Variants in TENM3 observed in about 807,000 individuals in gnomAD.
The protein encoded by TENM3 is teneurin-3.
TENM3 carries 63 observed loss-of-function variants against 255.1 expected under a neutral mutation model. The ratio of observed to expected loss-of-function variants is 0.25; its 90% CI spans 0.20 to 0.30. The LOEUF (loss-of-function observed/expected upper bound fraction) is 0.30, where lower values mean the gene tolerates loss of function less well. TENM3 is among the 10% of genes least tolerant of loss of function. TENM3 has a pLI of 1.00. For missense variants in TENM3, 2,929 were observed against 3,461.1 expected, an observed-to-expected ratio of 0.85 and a Z score of 3.86; for synonymous variants, 1,306 against 1,322.3, an observed-to-expected ratio of 0.99 and a Z score of 0.27.
chr4:181,526,268 T>A, the TENM3 span, among the ~76,000 whole-genome samples: 20 of 145,128 alleles, frequency 1.4e-4, no homozygotes, highest in Non-Finnish European at 2.3e-4. Context: ...GAATCCAAAT[T>A]AAAAAAAAAA....
At chr4:182,431,419 G>A (rs928502326) in intron 3 of TENM3, among the ~76,000 whole-genome samples, 6 of 151,764 alleles carry the variant, frequency 4.0e-5, no homozygotes, top group East Asian at 2.0e-4. Context: ...GCTTGAACCC[G>A]GGAGGTGGAG....
In TENM3 at chr4:182,785,712, TAA is replaced by T. The variant is rs397879537; in HGVS notation, c.5305-3361_5305-3360del. ...GTCCCAGCCAGACCCTGTCTCAAGA[TAA>T]AAAAAAAAAAAAAAAAAAAGCCACT... On this transcript the variant is annotated intron_variant, in intron 24 of 27. Coordinates refer to ENST00000511685, the MANE Select transcript of TENM3 (RefSeq NM_001080477.4). Among the ~76,000 whole-genome samples the T allele has an allele frequency of 6.0e-3, 358 of 60,082 alleles. 1 individual carries two copies. The highest frequency in any genetic ancestry group is 0.02 in the African/African-American group (307 of 15,310). 39.4% of individuals were successfully genotyped at this position (60,082 alleles called of 152,430 possible). A position where few individuals can be genotyped will look rare whatever the true frequency, so the allele number is the denominator to read the frequency against.
chr4:181,999,680 A>G, the TENM3 span, among the ~76,000 whole-genome samples: 6 of 152,186 alleles, frequency 3.9e-5, no homozygotes, highest in Admixed American at 1.3e-4. Flanking sequence ...GGATTCTTCA[A>G]TATTAAAATG....
intron 3 of TENM3, among the ~76,000 whole-genome samples, chr4:182,412,814 G>T (rs970765203): frequency 1.1e-4 from 16 of 149,608 alleles, no homozygotes; most frequent in African/African-American, 3.9e-4. Context: ...GCAGTGAGCC[G>T]AGATCACACC....
chr4:181,831,612 C>A, the TENM3 span, among the ~76,000 whole-genome samples: 2 of 151,286 alleles, frequency 1.3e-5, no homozygotes, highest in South Asian at 4.2e-4. Context: ...AGATCACTGA[C>A]CTTAATTTTC....
chr4:182,688,118 C>T (rs371666719), intron 11 of TENM3, 48 bp from the exon 12 acceptor site: 3 of 1,476,438 alleles, frequency 2.0e-6, no homozygotes, highest in Non-Finnish European at 1.8e-6. Context: ...CCCCTTCTCT[C>T]TCCCGCCACT....
rs140323811 is a variant in TENM3, at chr4:182,397,652, G to A, written c.511+50723G>A. ...ACTACCGTAACAAGCAATGGAGCTG[G>A]TATTAAAACACAGGCATTCCTCACA... On this transcript the variant is annotated intron_variant, in intron 3 of 27. Coordinates refer to ENST00000511685, the MANE Select transcript of TENM3 (RefSeq NM_001080477.4). Among the ~76,000 whole-genome samples, 143 of 152,242 alleles carry A rather than the reference G, an allele frequency of 9.4e-4. 3 individuals carry two copies. The East Asian group carries it at 0.021, about 22-fold the overall frequency.
the TENM3 span, among the ~76,000 whole-genome samples, chr4:181,870,075 G>A: frequency 6.6e-6 from 1 of 152,118 alleles, no homozygotes; most frequent in South Asian, 2.1e-4. Flanking sequence ...AGGTAATCAT[G>A]CAACGTGTGC....
chr4:181,712,052 A>G, the TENM3 span, among the ~76,000 whole-genome samples: 20 of 152,284 alleles, frequency 1.3e-4, 1 homozygote, highest in African/African-American at 4.6e-4. Flanking sequence ...TTAGCTTTGT[A>G]TTAAGTCAAA....
chr4:181,847,797 C>T, the TENM3 span, among the ~76,000 whole-genome samples: 1 of 151,708 alleles, frequency 6.6e-6, no homozygotes, highest in Non-Finnish European at 1.5e-5. Context: ...GTATATTAGA[C>T]CTAAATTAGA....
At chr4:181,607,317 A>G in the TENM3 span, among the ~76,000 whole-genome samples, 1 of 152,236 alleles carries the variant, frequency 6.6e-6, no homozygotes, top group African/African-American at 2.4e-5. Flanking sequence ...TACAGTAGGC[A>G]CTAGCCATAA....
chr4:181,639,597 A>C, the TENM3 span, among the ~76,000 whole-genome samples: 1 of 152,172 alleles, frequency 6.6e-6, no homozygotes, highest in Non-Finnish European at 1.5e-5. Context: ...AAAATTGGCC[A>C]GGCATGGTGG....
the TENM3 span, among the ~76,000 whole-genome samples, chr4:181,809,287 C>CCT: frequency 6.6e-6 from 1 of 152,190 alleles, no homozygotes; most frequent in Non-Finnish European, 1.5e-5. Context: ...CACTGCACAG[C>CCT]AGAGTGGAGT....
intron 1 of TENM3, among the ~76,000 whole-genome samples, chr4:182,248,816 T>C (rs890038426): frequency 6.6e-6 from 1 of 152,166 alleles, no homozygotes; most frequent in Non-Finnish European, 1.5e-5. Context: ...TACCAAAGGG[T>C]TGCAAATGAG....
chr4:181,619,335 C>T, the TENM3 span, among the ~76,000 whole-genome samples: 2 of 152,084 alleles, frequency 1.3e-5, no homozygotes, highest in African/African-American at 4.8e-5. Flanking sequence ...ATTTGTATTT[C>T]TCACATATAT....
the TENM3 span, among the ~76,000 whole-genome samples, chr4:181,735,468 C>A: frequency 6.6e-6 from 1 of 152,172 alleles, no homozygotes; most frequent in Non-Finnish European, 1.5e-5. Flanking sequence ...AATATATAAA[C>A]TTACTGTAAT....
chr4:181,550,890 AC>A, the TENM3 span, among the ~76,000 whole-genome samples: 1 of 152,152 alleles, frequency 6.6e-6, no homozygotes, highest in South Asian at 2.1e-4. Flanking sequence ...CCTGCAAACT[AC>A]CCATACTTTA....
intron 4 of TENM3, among the ~76,000 whole-genome samples, chr4:182,615,069 A>ATTTTTT (rs35326593): frequency 2.7e-4 from 35 of 130,368 alleles, no homozygotes; most frequent in Admixed American, 5.0e-4. Flanking sequence ...ATATATATGT[A>ATTTTTT]TTTTTTTTTT....
chr4:182,353,524 T>C (rs1439293617), intron 3 of TENM3, among the ~76,000 whole-genome samples: 1 of 152,200 alleles, frequency 6.6e-6, no homozygotes, highest in Non-Finnish European at 1.5e-5. Flanking sequence ...GTTCCTGATA[T>C]ATAAAAATAA....
Sources: gnomAD v4.1 joint callset for allele counts (sites outside exome capture counted in the v4.1 genomes callset) on GRCh38, gnomAD v4.1.1 for gene constraint, MANE v1.5 for transcripts, NCBI Gene and HGNC (gene_info 2026-07-23, HGNC 2026-07-21) for gene names.